Variants in GPX6 observed in about 807,000 individuals in gnomAD.
GPX6 encodes glutathione peroxidase 6, also known as glutathione peroxidase 6 (olfactory).
In GPX6, 21 loss-of-function variants were observed where a neutral mutation model predicts 20.0. The ratio of observed to expected loss-of-function variants is 1.05; its 90% CI spans 0.74 to 1.51. GPX6 has a LOEUF of 1.51. Among genes scored for constraint, GPX6 ranks in the 40% most tolerant of loss-of-function variants. The pLI is 0.00. For synonymous variants in GPX6, 75 were observed against 98.0 expected, an observed-to-expected ratio of 0.77 and a Z score of 1.38; for missense variants, 233 against 254.7, an observed-to-expected ratio of 0.91 and a Z score of 0.58.
intron 1 of GPX6, among the ~76,000 whole-genome samples, chr6:28,513,139 T>C (rs1172514553): frequency 1.3e-5 from 2 of 152,222 alleles, no homozygotes; most frequent in African/African-American, 4.8e-5. Context: ...CCCCATCTGA[T>C]GAGAGCTACT....
At chr6:28,512,065 C>G (rs976804035) in intron 1 of GPX6, among the ~76,000 whole-genome samples, 1 of 152,256 alleles carries the variant, frequency 6.6e-6, no homozygotes, top group African/African-American at 2.4e-5. Flanking sequence ...ATGCCTGAGC[C>G]TCCTCCCGCT....
chr6:28,504,701 T>C (rs1254119956), intron 4 of GPX6, among the ~76,000 whole-genome samples: 1 of 152,120 alleles, frequency 6.6e-6, no homozygotes, highest in Non-Finnish European at 1.5e-5. Flanking sequence ...AACCGAGAGT[T>C]AGAGAGTATA....
chr6:28,515,349 C>T (rs1375255554), intron 1 of GPX6, among the ~76,000 whole-genome samples: 3 of 152,156 alleles, frequency 2.0e-5, no homozygotes, highest in African/African-American at 2.4e-5. Flanking sequence ...ATGAAGGGGA[C>T]AGGCTCTAGG....
intron 1 of GPX6, among the ~76,000 whole-genome samples, chr6:28,512,082 G>A (rs1762889359): frequency 6.6e-6 from 1 of 152,236 alleles, no homozygotes; most frequent in Admixed American, 6.5e-5. Flanking sequence ...CGCTCCGTGG[G>A]CTCCTGCGCG....
chr6:28,515,217 CTCTGGGTT>C (rs1763002831), intron 1 of GPX6, among the ~76,000 whole-genome samples: 1 of 152,230 alleles, frequency 6.6e-6, no homozygotes, highest in Non-Finnish European at 1.5e-5. Context: ...TCACCTCTCC[CTCTGGGTT>C]TCTGGCTGAG....
chr6:28,510,313 C>T (rs1039220920), intron 2 of GPX6, among the ~76,000 whole-genome samples: 22 of 152,230 alleles, frequency 1.4e-4, no homozygotes, highest in African/African-American at 5.3e-4. Context: ...ATTAAGACAC[C>T]AAATCATATA....
chr6:28,504,585 G>A (rs572508329), intron 4 of GPX6, 87 bp from the exon 5 acceptor site: 1 of 1,148,666 alleles, frequency 8.7e-7, no homozygotes, highest in East Asian at 2.5e-5. Context: ...CTCCAGACTA[G>A]AGAGTCTACT....
chr6:28,505,168 GA>G (rs1200064423), intron 4 of GPX6, among the ~76,000 whole-genome samples: 2 of 152,200 alleles, frequency 1.3e-5, no homozygotes, highest in African/African-American at 4.8e-5. Flanking sequence ...TGAGCTTTAT[GA>G]AAAATTCTGC....
intron 1 of GPX6, among the ~76,000 whole-genome samples, chr6:28,512,834 AGCTGTAACACTGACC>A (rs1423862786): frequency 2.6e-5 from 4 of 151,644 alleles, no homozygotes; most frequent in South Asian, 4.2e-4. Context: ...CTGCCTTAAG[AGCTGTAACACTGACC>A]GCGAGGCTTT....
chr6:28,504,099 TACACACAC>T lies in GPX6; in HGVS notation c.*185_*192del, dbSNP rs55919532. 3.5e-6 allele frequency: 2 copies of T among 564,778 alleles called. No homozygotes were observed. Among genetic ancestry groups the T allele is most frequent in the Non-Finnish European group, 3.2e-6 (1 of 316,538 alleles). The allele number at this position is 564,778 out of a possible 1,614,324, so 35.0% of individuals were successfully genotyped here. A position where few individuals can be genotyped will look rare whatever the true frequency, so the allele number is the denominator to read the frequency against. ...CAACAAATACAATTCTACATATCCA[TACACACAC>T]ACACACACACACACACAGCTACACA... On this transcript the variant is annotated 3_prime_UTR_variant, in exon 5 of 5. Transcript: ENST00000361902.
At chr6:28,515,144 G>T (rs34192187) in intron 1 of GPX6, among the ~76,000 whole-genome samples, 1 of 152,154 alleles carries the variant, frequency 6.6e-6, no homozygotes, top group Non-Finnish European at 1.5e-5. Flanking sequence ...GGGGTGTGGT[G>T]GTGGGGAGCT....
chr6:28,512,947 G>A (rs1300425735), intron 1 of GPX6, among the ~76,000 whole-genome samples: 2 of 151,924 alleles, frequency 1.3e-5, no homozygotes, highest in Admixed American at 6.6e-5. Context: ...GAACACATCC[G>A]AACATCAGAA....
intron 2 of GPX6, among the ~76,000 whole-genome samples, chr6:28,506,855 T>C (rs1762811403): frequency 6.6e-6 from 1 of 151,912 alleles, no homozygotes; most frequent in South Asian, 2.1e-4. Context: ...GCAAACAAAA[T>C]GGAAATCCTA....
intron 1 of GPX6, 122 bp from the exon 2 acceptor site, chr6:28,511,026 G>T: frequency 1.2e-6 from 1 of 827,066 alleles, no homozygotes. Context: ...AGAACTGAAG[G>T]GATCTTTCCA....
At chr6:28,512,633 C>T (rs937677880) in intron 1 of GPX6, among the ~76,000 whole-genome samples, 2 of 152,198 alleles carry the variant, frequency 1.3e-5, no homozygotes, top group Admixed American at 6.5e-5. Context: ...GCAGTGGCAG[C>T]CCCCGTGGGT....
chr6:28,512,445 G>A (rs1175672916), intron 1 of GPX6, among the ~76,000 whole-genome samples: 4 of 150,674 alleles, frequency 2.7e-5, no homozygotes, highest in African/African-American at 4.9e-5. Flanking sequence ...CCTTTGTGTG[G>A]ACACTCTGTA....
intron 1 of GPX6, among the ~76,000 whole-genome samples, chr6:28,512,018 C>T (rs536866235): frequency 1.3e-5 from 2 of 152,254 alleles, no homozygotes; most frequent in South Asian, 2.1e-4. Flanking sequence ...CCTTAGCTGC[C>T]ACCCCGCGGG....
At chr6:28,510,600 G>A in intron 2 of GPX6, 151 bp downstream of exon 2, 1 of 658,672 alleles carries the variant, frequency 1.5e-6, no homozygotes, top group South Asian at 2.4e-5. Flanking sequence ...ATATTCTAAG[G>A]AGCAGAGCAG....
intron 1 of GPX6, among the ~76,000 whole-genome samples, chr6:28,512,088 G>T (rs1762889472): frequency 6.6e-6 from 1 of 152,220 alleles, no homozygotes; most frequent in Non-Finnish European, 1.5e-5. Context: ...GTGGGCTCCT[G>T]CGCGGCCCGA....
Sources: allele counts gnomAD v4.1 joint callset (sites outside exome capture counted in the v4.1 genomes callset), GRCh38; gene constraint gnomAD v4.1.1; transcripts MANE v1.5; gene names NCBI Gene and HGNC (gene_info 2026-07-23, HGNC 2026-07-21).